RBFOX1: variants seen among roughly 807,000 people sequenced by gnomAD.
The protein encoded by RBFOX1 is RNA binding fox-1 homolog 1.
RBFOX1 carries 8 observed loss-of-function variants against 57.7 expected under a neutral mutation model. The ratio of observed to expected loss-of-function variants is 0.14; its 90% CI spans 0.08 to 0.25. RBFOX1 has a LOEUF of 0.25. Among genes scored for constraint, RBFOX1 ranks in the 10% least tolerant of loss-of-function variants. The pLI, the probability that RBFOX1 is intolerant of heterozygous loss-of-function variation, is 1.00. For missense variants in RBFOX1, 611 were observed against 548.5 expected (o/e 1.11, Z -1.14); for synonymous variants, 326 against 222.4 (o/e 1.47, Z -4.15).
intron 4 of RBFOX1, chr16:7,126,158 T>C (rs2068484785): frequency 6.5e-6 from 1 of 153,700 alleles, no homozygotes. Flanking sequence ...CTGTGTCACT[T>C]CTCCCTTGGT....
At chr16:5,680,413 G>T (rs1247805720) in intron 3 of RBFOX1, among the ~76,000 whole-genome samples, 1 of 152,164 alleles carries the variant, frequency 6.6e-6, no homozygotes, top group East Asian at 1.9e-4. Flanking sequence ...GGGGGCTGAG[G>T]CAGGCACATA....
chr16:6,900,587 A>T (rs7201558), intron 3 of RBFOX1, among the ~76,000 whole-genome samples: 12 of 152,004 alleles, frequency 7.9e-5, no homozygotes, highest in African/African-American at 2.9e-4. Flanking sequence ...AGTCTTTTCC[A>T]GTTTTAGCAA....
intron 3 of RBFOX1, among the ~76,000 whole-genome samples, chr16:5,652,012 T>C (rs2049256825): frequency 1.3e-5 from 2 of 152,286 alleles, no homozygotes; most frequent in Middle Eastern, 3.4e-3. Context: ...CACATGCCTA[T>C]AGTCCCAGCT....
At chr16:7,321,473 C>T (rs1568200189) in intron 4 of RBFOX1, among the ~76,000 whole-genome samples, 1 of 152,022 alleles carries the variant, frequency 6.6e-6, no homozygotes, top group African/African-American at 2.4e-5. Flanking sequence ...AAAAAACAAA[C>T]AAACATGAAA....
chr16:6,087,721 C>T (rs1014352026), intron 1 of RBFOX1, among the ~76,000 whole-genome samples: 6 of 150,688 alleles, frequency 4.0e-5, no homozygotes, highest in Non-Finnish European at 7.4e-5. Flanking sequence ...GGCGTGATCT[C>T]GGCTCACTGC....
intron 1 of RBFOX1, among the ~76,000 whole-genome samples, chr16:5,258,179 G>T (rs1314071244): frequency 6.6e-6 from 1 of 152,080 alleles, no homozygotes; most frequent in Non-Finnish European, 1.5e-5. Context: ...GCTGTGCCTG[G>T]CCAAGGTTTT....
intron 2 of RBFOX1, among the ~76,000 whole-genome samples, chr16:6,569,557 G>C (rs1383690080): frequency 6.6e-6 from 1 of 152,184 alleles, no homozygotes; most frequent in African/African-American, 2.4e-5. Context: ...ACAACTTCTG[G>C]CAAGCTATGA....
chr16:6,844,037 TTCTTTCTCTCTC>T (rs1232109248), intron 3 of RBFOX1, among the ~76,000 whole-genome samples: 7 of 152,174 alleles, frequency 4.6e-5, no homozygotes, highest in African/African-American at 1.7e-4. Context: ...ACAATCCATT[TTCTTTCTCTCTC>T]TCTTTCTCTG....
intron 1 of RBFOX1, among the ~76,000 whole-genome samples, chr16:6,286,708 A>G (rs554351704): frequency 1.3e-5 from 2 of 152,256 alleles, no homozygotes; most frequent in East Asian, 3.9e-4. Context: ...ATGATCCAAC[A>G]TTGCTCTAAA....
chr16:7,565,617 A>G (rs1180343630), intron 5 of RBFOX1, among the ~76,000 whole-genome samples: 1 of 152,276 alleles, frequency 6.6e-6, no homozygotes, highest in Admixed American at 6.5e-5. Flanking sequence ...ACACAAATCA[A>G]TTTGGTCCAA....
chr16:7,503,124 A>G (rs1199643629), intron 4 of RBFOX1, among the ~76,000 whole-genome samples: 2 of 152,222 alleles, frequency 1.3e-5, no homozygotes, highest in African/African-American at 4.8e-5. Context: ...TCTCTTCACT[A>G]GAACATTCTG....
intron 4 of RBFOX1, among the ~76,000 whole-genome samples, chr16:7,369,345 G>A (rs189641863): frequency 6.6e-6 from 1 of 152,124 alleles, no homozygotes; most frequent in Non-Finnish European, 1.5e-5. Context: ...GCAAAGTGGA[G>A]GCCCTAGCAA....
At chr16:7,622,248 C>G (rs2059424614) in intron 10 of RBFOX1, among the ~76,000 whole-genome samples, 1 of 152,120 alleles carries the variant, frequency 6.6e-6, no homozygotes, top group Admixed American at 6.5e-5. Context: ...AAAGAGTTCT[C>G]TATGCTTCAA....
intron 4 of RBFOX1, among the ~76,000 whole-genome samples, chr16:7,056,636 A>G (rs970128584): frequency 6.6e-6 from 1 of 152,078 alleles, no homozygotes; most frequent in African/African-American, 2.4e-5. Flanking sequence ...GTTGAGGGAG[A>G]TTGTATGTTC....
intron 3 of RBFOX1, among the ~76,000 whole-genome samples, chr16:5,819,830 C>A (rs758353692): frequency 6.6e-6 from 1 of 152,180 alleles, no homozygotes; most frequent in Non-Finnish European, 1.5e-5. Context: ...GCCCTGGAGC[C>A]CCAGAAATGA....
intron 2 of RBFOX1, among the ~76,000 whole-genome samples, chr16:6,518,871 C>T (rs947472946): frequency 3.6e-4 from 54 of 151,940 alleles, no homozygotes; most frequent in Middle Eastern, 3.4e-3. Flanking sequence ...AAGTAGCAAA[C>T]GTGCCCCGTT....
intron 1 of RBFOX1, among the ~76,000 whole-genome samples, chr16:6,241,600 T>G (rs1477256790): frequency 2.6e-5 from 4 of 152,174 alleles, no homozygotes; most frequent in Admixed American, 2.0e-4. Context: ...GCCTGTGAAT[T>G]AGAATGCTCC....
chr16:6,759,233 C>G (rs2076247687), intron 3 of RBFOX1, among the ~76,000 whole-genome samples: 1 of 151,852 alleles, frequency 6.6e-6, no homozygotes, highest in Non-Finnish European at 1.5e-5. Flanking sequence ...TCACTGGAAC[C>G]TCCACCTCCT....
chr16:6,832,674 T>A (rs1027772713), intron 3 of RBFOX1, among the ~76,000 whole-genome samples: 23 of 152,174 alleles, frequency 1.5e-4, no homozygotes, highest in African/African-American at 4.1e-4. Flanking sequence ...GTAATTACTT[T>A]ACCCACTCAA....
Sources: gnomAD v4.1 joint callset for allele counts (sites outside exome capture counted in the v4.1 genomes callset) on GRCh38, gnomAD v4.1.1 for gene constraint, MANE v1.5 for transcripts, NCBI Gene and HGNC (gene_info 2026-07-23, HGNC 2026-07-21) for gene names.